CLNK: variants seen among roughly 807,000 people sequenced by gnomAD.
CLNK encodes cytokine dependent hematopoietic cell linker.
In CLNK, 74 loss-of-function variants were observed where a neutral mutation model predicts 68.6. That is an observed-to-expected ratio of 1.08 (90% CI 0.89 to 1.31). The LOEUF (loss-of-function observed/expected upper bound fraction) is 1.31. Ranked by LOEUF, CLNK falls within the 50% of genes most tolerant of loss-of-function variation. The probability of loss-of-function intolerance (pLI) is 0.00; values close to 1 mark genes in which losing one functional copy is unlikely to be tolerated. For synonymous variants in CLNK, 198 were observed against 172.2 expected (o/e 1.15, Z -1.17); for missense variants, 553 against 515.3 (o/e 1.07, Z -0.71).
intron 18 of CLNK, among the ~76,000 whole-genome samples, chr4:10,493,319 A>C (rs138823841): frequency 6.6e-6 from 1 of 152,312 alleles, no homozygotes; most frequent in East Asian, 1.9e-4. Context: ...TTCATCTCAA[A>C]AAACAAACAA....
In CLNK at chr4:10,493,747, G is replaced by C. The variant is rs566650471; in HGVS notation, c.1141-3134C>G. Among the ~76,000 whole-genome samples, 4 of 152,266 alleles carry C rather than the reference G, an allele frequency of 2.6e-5. No homozygotes were observed. In the South Asian group the frequency reaches 6.2e-4, roughly 24 times the overall value. On this transcript the variant is annotated intron_variant, in intron 18 of 18. Coordinates refer to ENST00000226951, the MANE Select transcript of CLNK (RefSeq NM_052964.4). ...GGGGAGATTAATCTCTACTACAGCA[G>C]GGTAATTGTAACCAGAGGGCCTGTG...
chr4:10,664,099 A>G (rs187145685), intron 2 of CLNK, among the ~76,000 whole-genome samples: 1 of 152,260 alleles, frequency 6.6e-6, no homozygotes, highest in East Asian at 1.9e-4. Flanking sequence ...GATAGTAAGG[A>G]ATTAGTCATA....
At chr4:10,671,323 C>T (rs1006955468) in intron 1 of CLNK, among the ~76,000 whole-genome samples, 1 of 151,850 alleles carries the variant, frequency 6.6e-6, no homozygotes, top group African/African-American at 2.4e-5. Context: ...GAGGTAGAGG[C>T]TGCAGTGAGC....
chr4:10,531,891 A>G (rs1215415698), intron 12 of CLNK: 2 of 474,264 alleles, frequency 4.2e-6, no homozygotes, highest in African/African-American at 3.9e-5. Context: ...GCATTCCTGT[A>G]TTTCTTATGA....
chr4:10,598,789 T>A (rs1231135204), intron 2 of CLNK: 1 of 317,770 alleles, frequency 3.1e-6, no homozygotes, highest in East Asian at 1.2e-4. Context: ...ATTAGCTCTA[T>A]CAAACACTGA....
chr4:10,575,273 C>T (rs779370414), intron 4 of CLNK, among the ~76,000 whole-genome samples: 3 of 152,224 alleles, frequency 2.0e-5, no homozygotes, highest in Non-Finnish European at 4.4e-5. Flanking sequence ...GCTGCTTCAG[C>T]CAGCCTCTCC....
intron 8 of CLNK, among the ~76,000 whole-genome samples, chr4:10,555,638 A>C (rs1163621608): frequency 1.3e-5 from 2 of 152,252 alleles, no homozygotes; most frequent in African/African-American, 4.8e-5. Context: ...TAAAATGTAC[A>C]TTAACATAAA....
intron 2 of CLNK, among the ~76,000 whole-genome samples, chr4:10,605,118 C>G (rs1323837034): frequency 6.6e-6 from 1 of 152,166 alleles, no homozygotes; most frequent in Non-Finnish European, 1.5e-5. Flanking sequence ...AGTTTTAAGA[C>G]TACAACATCA....
chr4:10,632,261 C>T (rs1722921240), intron 2 of CLNK, among the ~76,000 whole-genome samples: 1 of 152,208 alleles, frequency 6.6e-6, no homozygotes, highest in Non-Finnish European at 1.5e-5. Flanking sequence ...GAGATTTTCC[C>T]TCCAAACTAT....
rs191404046 is a variant in CLNK, at chr4:10,618,131, C to A, written c.12-20082G>T. Among the ~76,000 whole-genome samples, 7 of 152,224 alleles carry A rather than the reference C, an allele frequency of 4.6e-5. No homozygotes were observed. The East Asian group carries it at 9.6e-4, about 21-fold the overall frequency. On this transcript the variant is annotated intron_variant, in intron 2 of 18. Coordinates refer to ENST00000226951, the MANE Select transcript of CLNK (RefSeq NM_052964.4). ...CTCAGACGGAAAACAACCCAAATGC[C>A]TATAAATTGGTGAGTAGATAGACAA...
chr4:10,661,579 C>A (rs914740032), intron 2 of CLNK, among the ~76,000 whole-genome samples: 2 of 152,130 alleles, frequency 1.3e-5, no homozygotes, highest in Non-Finnish European at 2.9e-5. Context: ...GACATAGATC[C>A]TCATGGAGAA....
At chr4:10,661,239 C>T (rs73103713) in intron 2 of CLNK, among the ~76,000 whole-genome samples, 167 of 152,278 alleles carry the variant, frequency 1.1e-3, no homozygotes, top group African/African-American at 3.9e-3. Context: ...AGAGAAATAT[C>T]ATCTATTGGG....
chr4:10,526,801 G>C (rs1311809332), intron 13 of CLNK, among the ~76,000 whole-genome samples: 1 of 152,124 alleles, frequency 6.6e-6, no homozygotes, highest in Non-Finnish European at 1.5e-5. Flanking sequence ...TGCAATTTAT[G>C]TTCCTGCTTT....
At chr4:10,665,527 G>A (rs1724360443) in intron 2 of CLNK, among the ~76,000 whole-genome samples, 2 of 152,048 alleles carry the variant, frequency 1.3e-5, no homozygotes, top group Admixed American at 1.3e-4. Context: ...AGCCAGGCAT[G>A]GTGGTAGACA....
the CLNK span, among the ~76,000 whole-genome samples, chr4:10,709,955 C>T: frequency 6.6e-6 from 1 of 152,126 alleles, no homozygotes. Flanking sequence ...TGGACCTGAC[C>T]ATAAGAACTC....
chr4:10,569,404 A>C (rs1720255592), intron 5 of CLNK, among the ~76,000 whole-genome samples: 1 of 152,072 alleles, frequency 6.6e-6, no homozygotes, highest in African/African-American at 2.4e-5. Context: ...ACACTGAGGA[A>C]AGGCCATGTG....
chr4:10,715,506 G>A, the CLNK span, among the ~76,000 whole-genome samples: 1 of 152,188 alleles, frequency 6.6e-6, no homozygotes, highest in Non-Finnish European at 1.5e-5. Context: ...AATAGGATCT[G>A]TAAGGGATCC....
intron 2 of CLNK, among the ~76,000 whole-genome samples, chr4:10,641,192 T>C (rs1355672961): frequency 2.0e-5 from 3 of 152,218 alleles, no homozygotes; most frequent in South Asian, 2.1e-4. Flanking sequence ...GGAGTTTTGC[T>C]TGGGGTGTGG....
the CLNK span, among the ~76,000 whole-genome samples, chr4:10,728,895 G>A: frequency 4.6e-5 from 7 of 151,894 alleles, no homozygotes; most frequent in East Asian, 1.9e-4. Flanking sequence ...TACCACACCC[G>A]GCCCCTTTCT....
Sources: allele counts gnomAD v4.1 joint callset (sites outside exome capture counted in the v4.1 genomes callset), GRCh38; gene constraint gnomAD v4.1.1; transcripts MANE v1.5; gene names NCBI Gene and HGNC (gene_info 2026-07-23, HGNC 2026-07-21).